The following SLC35G2 variants were observed in gnomAD, a reference collection of about 807,000 sequenced individuals.
SLC35G2 encodes the protein solute carrier family 35 member G2, also known as transmembrane protein 22.
In SLC35G2, 20 loss-of-function variants were observed where a neutral mutation model predicts 27.2. That is an observed-to-expected ratio of 0.74 (90% CI 0.52 to 1.07). SLC35G2 has a LOEUF of 1.07. Ranked by LOEUF, SLC35G2 falls within the 50% of genes least tolerant of loss-of-function variation. The pLI, the probability that SLC35G2 is intolerant of heterozygous loss-of-function variation, is 0.00. For missense variants in SLC35G2, 416 were observed against 493.3 expected, an observed-to-expected ratio of 0.84 and a Z score of 1.48; for synonymous variants, 148 against 165.3, an observed-to-expected ratio of 0.90 and a Z score of 0.80.
rs756937250 is a variant in SLC35G2, at chr3:136,854,585, A to G, written c.125A>G (p.Asn42Ser). Residue 42 changes from asparagine (N) to serine (S), a missense_variant, in exon 2 of 2, where the codon AAT becomes AGT. Physicochemically the swap from Asn to Ser is conservative, Grantham distance 46. Transcript: ENST00000446465. ...QPGDDGYEEI[N>S]EGYGNFMEEN... ...GGCGATGATGGATATGAAGAAATCAATGAAGGCTATGGAAATTTTATGGAG... is the reference window on the plus strand; with the variant it reads ...GGCGATGATGGATATGAAGAAATCAGTGAAGGCTATGGAAATTTTATGGAG... 13 of 1,613,362 alleles carry G rather than the reference A, an allele frequency of 8.1e-6. No homozygotes were observed. The highest frequency in any genetic ancestry group is 1.7e-4 in the Middle Eastern group (1 of 6,060).
chr3:136,855,329 C>T lies in SLC35G2; in HGVS notation c.869C>T (p.Thr290Ile). 1 of 1,614,178 alleles carries T rather than the reference C, an allele frequency of 6.2e-7. No homozygotes were observed. Among genetic ancestry groups the T allele is most frequent in the Non-Finnish European group, 8.5e-7 (1 of 1,180,014 alleles). Residue 290 changes from threonine to isoleucine, a missense_variant, in exon 2 of 2, where the codon ACT (threonine) becomes ATT (isoleucine). Coordinates refer to ENST00000446465, the MANE Select transcript of SLC35G2 (RefSeq NM_025246.3). ...ATCAGCATGTGGACTGCACTGTTTACTTTTGGTTGGACTGGGACAATTTGG... is the reference window on the plus strand; with the variant it reads ...ATCAGCATGTGGACTGCACTGTTTATTTTTGGTTGGACTGGGACAATTTGG... ...EKISMWTALF[T>I]FGWTGTIWGI...
intron 1 of SLC35G2, among the ~76,000 whole-genome samples, chr3:136,847,325 G>A (rs1290787109): frequency 2.0e-5 from 3 of 152,188 alleles, no homozygotes; most frequent in East Asian, 1.9e-4. Flanking sequence ...GTCCCAAAAT[G>A]TAAGGCTCTC....
chr3:136,839,761 T>A (rs1463619145), intron 1 of SLC35G2, among the ~76,000 whole-genome samples: 1 of 152,224 alleles, frequency 6.6e-6, no homozygotes, highest in East Asian at 1.9e-4. Context: ...GATAAGCCCC[T>A]GACTATTCCT....
intron 1 of SLC35G2, 138 bp downstream of exon 1, chr3:136,819,766 C>G (rs540236882): frequency 3.3e-5 from 5 of 152,370 alleles, no homozygotes; most frequent in African/African-American, 9.6e-5. Context: ...GAACGCCAGT[C>G]TGTGGGCGCT....
At chr3:136,827,683 T>C (rs1936620096) in intron 1 of SLC35G2, among the ~76,000 whole-genome samples, 1 of 152,176 alleles carries the variant, frequency 6.6e-6, no homozygotes, top group Non-Finnish European at 1.5e-5. Context: ...TTCATGAAAT[T>C]TCTCAATTTC....
intron 1 of SLC35G2, among the ~76,000 whole-genome samples, chr3:136,829,209 G>T (rs1346944716): frequency 6.6e-6 from 1 of 151,404 alleles, no homozygotes; most frequent in Admixed American, 6.6e-5. Flanking sequence ...TCACCAGTGA[G>T]TTTTGTACCT....
At chr3:136,848,413 GT>G (rs1937490849) in intron 1 of SLC35G2, among the ~76,000 whole-genome samples, 1 of 152,050 alleles carries the variant, frequency 6.6e-6, no homozygotes, top group Non-Finnish European at 1.5e-5. Flanking sequence ...GAGCCCAGGA[GT>G]TTGAGATCAG....
At chr3:136,832,087 C>T (rs1049005404) in intron 1 of SLC35G2, among the ~76,000 whole-genome samples, 1 of 151,834 alleles carries the variant, frequency 6.6e-6, no homozygotes, top group South Asian at 2.1e-4. Context: ...GATCTCGGCT[C>T]ACTGCAAGCT....
intron 1 of SLC35G2, among the ~76,000 whole-genome samples, chr3:136,844,548 C>A (rs558318531): frequency 2.0e-5 from 3 of 151,118 alleles, no homozygotes; most frequent in Non-Finnish European, 4.4e-5. Context: ...CATGTAATCC[C>A]AGCACTTTGG....
At chr3:136,838,448 A>G (rs1936958487) in intron 1 of SLC35G2, 1 of 152,164 alleles carries the variant, frequency 6.6e-6, no homozygotes, top group Non-Finnish European at 1.5e-5. Flanking sequence ...GGCATCTGGT[A>G]ACCATTTCTT....
At chr3:136,842,995 T>C (rs1182652392) in intron 1 of SLC35G2, 1 of 152,158 alleles carries the variant, frequency 6.6e-6, no homozygotes, top group Non-Finnish European at 1.5e-5. Context: ...GACATCTCTG[T>C]AGCTCTGAGT....
At chr3:136,825,232 C>T (rs760015020) in intron 1 of SLC35G2, among the ~76,000 whole-genome samples, 1 of 141,624 alleles carries the variant, frequency 7.1e-6, no homozygotes, top group Non-Finnish European at 1.5e-5. Flanking sequence ...GTGGGTCTAT[C>T]GTATATAACT....
At chr3:136,851,252 T>G (rs1937615750) in intron 1 of SLC35G2, among the ~76,000 whole-genome samples, 2 of 152,086 alleles carry the variant, frequency 1.3e-5, no homozygotes. Context: ...CCCAGCACTT[T>G]GGGAGGCCGA....
At chr3:136,820,297 C>T (rs1269956065) in intron 1 of SLC35G2, 1 of 152,464 alleles carries the variant, frequency 6.6e-6, no homozygotes, top group Non-Finnish European at 1.5e-5. Flanking sequence ...TCAGGCTTGC[C>T]TATGTCCGTG....
chr3:136,836,715 AAT>A (rs1936881661), intron 1 of SLC35G2, among the ~76,000 whole-genome samples: 1 of 152,200 alleles, frequency 6.6e-6, no homozygotes, highest in South Asian at 2.1e-4. Context: ...GATTCTCCAA[AAT>A]TGGTGAGGTT....
Position 136,854,438 on chromosome 3 carries a change from A to G in SLC35G2, c.-18-5A>G, listed in dbSNP as rs149142579. The stretch of plus-strand genomic sequence containing the variant: ...GTCTTTTTGTCAATTTTTTTCTTTA[A>G]ATAGAATTGATTATCTGAAGAAATG... On this transcript the variant is annotated splice_polypyrimidine_tract_variant and splice_region_variant and intron_variant, in intron 1 of 1. Coordinates refer to ENST00000446465, the MANE Select transcript of SLC35G2 (RefSeq NM_025246.3). The G allele has an allele frequency of 5.1e-4, 784 of 1,532,718 alleles. 3 individuals carry two copies. In the African/African-American group the frequency reaches 9.8e-3, roughly 19 times the overall value. The allele number at this position is 1,532,718 out of a possible 1,614,324, so 94.9% of individuals were successfully genotyped here.
chr3:136,838,283 A>ATATATATATATATATATAT (rs1560013693), intron 1 of SLC35G2: 9 of 110,548 alleles, frequency 8.1e-5, no homozygotes, highest in African/African-American at 2.6e-4. Flanking sequence ...ATATATATAT[A>ATATATATATATATATATAT]AATGCACACA....
At chr3:136,842,309 A>G (rs749713186) in intron 1 of SLC35G2, 4 of 152,190 alleles carry the variant, frequency 2.6e-5, no homozygotes, top group Non-Finnish European at 5.9e-5. Context: ...TCAAATGACA[A>G]AGAGATGTGA....
At chr3:136,848,749 A>C (rs145300516) in intron 1 of SLC35G2, among the ~76,000 whole-genome samples, 69 of 152,358 alleles carry the variant, frequency 4.5e-4, no homozygotes, top group Non-Finnish European at 8.2e-4. Flanking sequence ...TTACACATAA[A>C]GATGGAAATA....
Sources: gnomAD v4.1 joint callset for allele counts (sites outside exome capture counted in the v4.1 genomes callset) on GRCh38, gnomAD v4.1.1 for gene constraint, MANE v1.5 for transcripts, NCBI Gene and HGNC (gene_info 2026-07-23, HGNC 2026-07-21) for gene names.